The following WRNIP1 variants were observed in gnomAD, a reference collection of about 807,000 sequenced individuals.
WRNIP1 encodes the protein ATPase WRNIP1.
Under a neutral mutation model 56.1 loss-of-function variants are expected in WRNIP1, and 41 were observed. That is an observed-to-expected ratio of 0.73 (90% CI 0.57 to 0.95). The LOEUF is 0.95. Among genes scored for constraint, WRNIP1 ranks in the 40% least tolerant of loss-of-function variants. WRNIP1 has a pLI of 0.00. For synonymous variants in WRNIP1, 547 were observed against 398.1 expected, an observed-to-expected ratio of 1.37 and a Z score of -4.45; for missense variants, 1,170 against 939.4, an observed-to-expected ratio of 1.25 and a Z score of -3.21.
In WRNIP1 at chr6:2,779,394, A is replaced by G. The variant is rs764554195; in HGVS notation, c.1388A>G (p.Lys463Arg). The change falls in exon 4 of 7, where the codon AAG becomes AGG. Residue 463 changes from lysine (K) to arginine (R), a missense_variant. Transcript: ENST00000380773. ...TTAAGCTCTAGGAAGATGTTCTGTA[A>G]GAAGAGTGGGCAATCCTATTCTCCC... ...ARLSSRKMFC[K>R]KSGQSYSPSR... The G allele has an allele frequency of 6.8e-6, 11 of 1,614,230 alleles. No homozygotes were observed. The highest frequency in any genetic ancestry group is 3.3e-4 in the Middle Eastern group (2 of 6,062).
At chr6:2,767,121 ATTTTGGTG>A (rs1765050252) in intron 1 of WRNIP1, among the ~76,000 whole-genome samples, 1 of 152,202 alleles carries the variant, frequency 6.6e-6, no homozygotes, top group South Asian at 2.1e-4. Flanking sequence ...ACATCCGTGC[ATTTTGGTG>A]TCCAGTTCTG....
intron 5 of WRNIP1, among the ~76,000 whole-genome samples, chr6:2,784,061 G>C (rs540246680): frequency 2.0e-5 from 3 of 152,258 alleles, no homozygotes; most frequent in Admixed American, 1.3e-4. Flanking sequence ...TCTTATGTTT[G>C]TTATACAGAG....
At chr6:2,773,854 T>C in intron 3 of WRNIP1, 1 of 984,454 alleles carries the variant, frequency 1.0e-6, no homozygotes, top group Admixed American at 6.2e-5. Flanking sequence ...AACTGCCCTC[T>C]GCCTAGCTAG....
At position 2,779,283 on chromosome 6, in the gene WRNIP1, A is replaced by T; in HGVS notation, c.1277A>T (p.Asp426Val). 1.2e-6 allele frequency: 2 copies of T among 1,614,210 alleles called. No homozygotes were observed. Among genetic ancestry groups the T allele is most frequent in the Non-Finnish European group, 1.7e-6 (2 of 1,180,046 alleles). ...TTCAGGCCCGCCATGTTCATAGAGG[A>T]TAAAGCAGTAGACACCCTGGCTTAC... ...SSSEPAMFIE[D>V]KAVDTLAYLS... The change falls in exon 4 of 7, where the codon GAT (aspartate) becomes GTT (valine). Residue 426 changes from aspartate to valine, a missense_variant. Asp to Val is a radical substitution (Grantham distance 152). Transcript: ENST00000380773.
intron 3 of WRNIP1, among the ~76,000 whole-genome samples, chr6:2,772,709 A>G (rs1031712388): frequency 6.6e-6 from 1 of 152,252 alleles, no homozygotes; most frequent in Non-Finnish European, 1.5e-5. Flanking sequence ...CATAGGCCAC[A>G]GAAAGAACTC....
intron 3 of WRNIP1, chr6:2,773,248 G>A: frequency 1.0e-6 from 1 of 985,370 alleles, no homozygotes; most frequent in Non-Finnish European, 1.2e-6. Context: ...CATATGCTAG[G>A]CATTGGCTGA....
intron 2 of WRNIP1, among the ~76,000 whole-genome samples, chr6:2,769,242 C>T (rs1765173291): frequency 1.3e-5 from 2 of 152,006 alleles, no homozygotes; most frequent in African/African-American, 2.4e-5. Flanking sequence ...TTAAAAATTA[C>T]TTTAACAGTA....
At chr6:2,767,682 G>A (rs1423979996) in intron 1 of WRNIP1, among the ~76,000 whole-genome samples, 1 of 152,248 alleles carries the variant, frequency 6.6e-6, no homozygotes, top group Non-Finnish European at 1.5e-5. Flanking sequence ...CTTTACATAA[G>A]ATCATGAGAA....
rs946896684 is a variant in WRNIP1 at position 2,785,533 on chromosome 6, A to G, written c.*251A>G. The G allele has an allele frequency of 4.0e-6, 2 of 502,060 alleles. No individual in the cohort carries two copies. Among genetic ancestry groups the G allele is most frequent in the Non-Finnish European group, 3.5e-6 (1 of 283,602 alleles). 31.1% of individuals were successfully genotyped at this position (502,060 alleles called of 1,614,324 possible). A position where few individuals can be genotyped will look rare whatever the true frequency, so the allele number is the denominator to read the frequency against. On this transcript the variant is annotated 3_prime_UTR_variant, in exon 7 of 7. Transcript: ENST00000380773. ...CCTGGCAGCTTTGTGCAATGAATTA[A>G]TGTTATAAGGAATTATCTATTTTGT...
At chr6:2,767,607 C>T (rs1765081137) in intron 1 of WRNIP1, among the ~76,000 whole-genome samples, 1 of 152,192 alleles carries the variant, frequency 6.6e-6, no homozygotes, top group Non-Finnish European at 1.5e-5. Context: ...ACGTCTGTCC[C>T]CATGGATTTA....
chr6:2,775,209 T>C (rs1432897408), intron 3 of WRNIP1, among the ~76,000 whole-genome samples: 1 of 151,352 alleles, frequency 6.6e-6, no homozygotes, highest in Non-Finnish European at 1.5e-5. Flanking sequence ...CTGCTCGGTT[T>C]TTCTGTTCTG....
At chr6:2,769,369 G>A (rs1014035528) in intron 2 of WRNIP1, among the ~76,000 whole-genome samples, 1 of 151,762 alleles carries the variant, frequency 6.6e-6, no homozygotes, top group Non-Finnish European at 1.5e-5. Context: ...TGAAATAAAA[G>A]GACACAAGCT....
Position 2,785,159 on chromosome 6 carries a change from G to C in WRNIP1, c.1875G>C (p.Leu625=). Reference sequence around the variant, plus strand: ...ACCTGAGGAACGCGCCCACTAGGCTGATGAAGGATTTGGGCTATGGCAAAG... The same window carrying C: ...ACCTGAGGAACGCGCCCACTAGGCTCATGAAGGATTTGGGCTATGGCAAAG... The part of the protein sequence containing the change: ...PLHLRNAPTR[L]MKDLGYGKGY... Residue 625 remains leucine, a synonymous_variant, in exon 7 of 7, where the codon CTG becomes CTC. Transcript: ENST00000380773. The C allele has an allele frequency of 2.5e-6, 4 of 1,614,222 alleles. No homozygotes were observed. The highest frequency in any genetic ancestry group is 3.4e-6 in the Non-Finnish European group (4 of 1,180,046).
chr6:2,773,383 G>A, intron 3 of WRNIP1: 1 of 985,432 alleles, frequency 1.0e-6, no homozygotes, highest in Non-Finnish European at 1.2e-6. Context: ...GCAGCATTCA[G>A]AATATGTGAA....
chr6:2,778,355 C>T lies in WRNIP1; in HGVS notation c.1257-908C>T, dbSNP rs573689999. 2.6e-5 allele frequency among the ~76,000 whole-genome samples: 4 copies of T among 152,318 alleles called. No individual in the cohort carries two copies. The South Asian group carries it at 8.3e-4, about 32-fold the overall frequency. ...CTTCACAAATGTGCAGCTAGCAGCT[C>T]AGCCAGGAATAAGACCCCACTAAGT... On this transcript the variant is annotated intron_variant, in intron 3 of 6. Coordinates refer to ENST00000380773, the MANE Select transcript of WRNIP1 (RefSeq NM_020135.3).
At position 2,773,173 on chromosome 6, in the gene WRNIP1, AGT is replaced by A. The variant is rs1027237550; in HGVS notation, c.1256+2815_1256+2816del. On this transcript the variant is annotated intron_variant, in intron 3 of 6. Coordinates refer to ENST00000380773, the MANE Select transcript of WRNIP1 (RefSeq NM_020135.3). Reference sequence around the variant, plus strand: ...GATAAATTCCCATTAAAGTGAAATAAGTGTTCTTTTTTTAAAAAAAAATTCCC... The same window carrying A: ...GATAAATTCCCATTAAAGTGAAATAAGTTCTTTTTTTAAAAAAAAATTCCC... 10 of 985,306 alleles carry A rather than the reference AGT, an allele frequency of 1.0e-5. No homozygotes were observed. In the African/African-American group the frequency reaches 1.7e-4, roughly 17 times the overall value. 61.0% of individuals were successfully genotyped at this position (985,306 alleles called of 1,614,324 possible).
rs545223338 is a variant in WRNIP1, at chr6:2,783,163, C to T, written c.1487-243C>T. Among the ~76,000 whole-genome samples, 4 of 152,334 alleles carry T rather than the reference C, an allele frequency of 2.6e-5. No homozygotes were observed. The East Asian group carries it at 7.7e-4, about 29-fold the overall frequency. On this transcript the variant is annotated intron_variant, in intron 4 of 6. Transcript: ENST00000380773. ...TCCTGCCTCTGTGCGTGTGCGTGCA[C>T]TCCATGTCGACAGCCACAGGTTTCT...
chr6:2,784,555 T>TA (rs1422615246), intron 6 of WRNIP1, 152 bp downstream of exon 6: 1 of 751,782 alleles, frequency 1.3e-6, no homozygotes, highest in Non-Finnish European at 2.1e-6. Flanking sequence ...TGTAGACTCT[T>TA]AGACTCCTAG....
chr6:2,770,439 G>A, intron 3 of WRNIP1, 78 bp downstream of exon 3: 1 of 1,574,858 alleles, frequency 6.3e-7, no homozygotes, highest in Admixed American at 1.8e-5. Context: ...AAAGGGCCGG[G>A]CGTCAGTGAG....
Sources: gnomAD v4.1 joint callset for allele counts (sites outside exome capture counted in the v4.1 genomes callset) on GRCh38, gnomAD v4.1.1 for gene constraint, MANE v1.5 for transcripts, NCBI Gene and HGNC (gene_info 2026-07-23, HGNC 2026-07-21) for gene names.